The following SH3BP5 variants were observed in gnomAD, a reference collection of about 807,000 sequenced individuals.
The protein encoded by SH3BP5 is SH3 domain binding protein 5.
Under a neutral mutation model 43.3 loss-of-function variants are expected in SH3BP5, and 22 were observed. The observed-to-expected ratio is 0.51, with a 90% CI of 0.36 to 0.73. The LOEUF is 0.73. Ranked by LOEUF, SH3BP5 falls within the 30% of genes least tolerant of loss-of-function variation. The pLI is 0.00. For synonymous variants in SH3BP5, 255 were observed against 225.8 expected, an observed-to-expected ratio of 1.13 and a Z score of -1.16; for missense variants, 529 against 586.9, an observed-to-expected ratio of 0.90 and a Z score of 1.02.
chr3:15,266,773 G>A (rs982418907), intron 4 of SH3BP5, among the ~76,000 whole-genome samples: 18 of 152,242 alleles, frequency 1.2e-4, no homozygotes, highest in African/African-American at 4.1e-4. Flanking sequence ...CACTGCATGT[G>A]GCCTAACAGA....
upstream of SH3BP5, among the ~76,000 whole-genome samples, chr3:15,336,920 C>G (rs966878727): frequency 6.6e-6 from 1 of 152,150 alleles, no homozygotes; most frequent in Non-Finnish European, 1.5e-5. Flanking sequence ...ACAACTCCCT[C>G]ACGCTTCTCC....
chr3:15,326,611 C>T (rs1331928222), intron 2 of SH3BP5, among the ~76,000 whole-genome samples: 1 of 152,200 alleles, frequency 6.6e-6, no homozygotes, highest in Non-Finnish European at 1.5e-5. Flanking sequence ...TATGTAACCC[C>T]AAAATCAATA....
intron 2 of SH3BP5, among the ~76,000 whole-genome samples, chr3:15,313,361 A>G (rs942454968): frequency 1.3e-5 from 2 of 152,240 alleles, no homozygotes; most frequent in Admixed American, 6.5e-5. Flanking sequence ...GCAGCAGCAG[A>G]ATAACTGGAG....
chr3:15,256,705 C>G (rs958211489), intron 8 of SH3BP5, 148 bp downstream of exon 8: 6 of 957,792 alleles, frequency 6.3e-6, no homozygotes, highest in East Asian at 5.3e-5. Flanking sequence ...TGGAAACAAC[C>G]TCAGTGATCA....
In SH3BP5 at chr3:15,332,459, G is replaced by A; in HGVS notation, c.-51C>T. The A allele has an allele frequency of 2.7e-6, 4 of 1,461,446 alleles. No individual in the cohort carries two copies. Among genetic ancestry groups the A allele is most frequent in the Non-Finnish European group, 3.6e-6 (4 of 1,113,024 alleles). 90.5% of individuals were successfully genotyped at this position (1,461,446 alleles called of 1,614,324 possible). The stretch of plus-strand genomic sequence containing the variant: ...CAGTGGGCTCCGGAGCGCCCCGGGG[G>A]TCGCGGCTGCCACAGGCTGGGCTGG... On this transcript the variant is annotated 5_prime_UTR_variant, in exon 1 of 9. Coordinates refer to ENST00000383791, the MANE Select transcript of SH3BP5 (RefSeq NM_004844.5).
chr3:15,274,479 C>T (rs1287170571), intron 3 of SH3BP5, among the ~76,000 whole-genome samples: 1 of 152,036 alleles, frequency 6.6e-6, no homozygotes, highest in Non-Finnish European at 1.5e-5. Flanking sequence ...GAAAGTGCTA[C>T]ACACTTTTTT....
chr3:15,334,064 G>A (rs1402222324), upstream of SH3BP5, among the ~76,000 whole-genome samples: 2 of 152,156 alleles, frequency 1.3e-5, no homozygotes, highest in African/African-American at 4.8e-5. Context: ...GAACTCTGGG[G>A]TCAGCCCTGA....
chr3:15,266,633 A>AG (rs1696653922), intron 4 of SH3BP5, among the ~76,000 whole-genome samples: 1 of 152,234 alleles, frequency 6.6e-6, no homozygotes, highest in African/African-American at 2.4e-5. Flanking sequence ...CAGGGACCCC[A>AG]GGCCCTGTGC....
Position 15,332,403 on chromosome 3 carries a change from G to T in SH3BP5, c.6C>A (p.Asp2Glu). Residue 2 changes from aspartate (D) to glutamate (E), a missense_variant, in exon 1 of 9, where the codon GAC (aspartate) becomes GAA (glutamate). Around this residue, in one of 3 missense-constraint regions of SH3BP5, gnomAD observed 75 missense variants for 61.8 expected, o/e 1.21. Coordinates refer to ENST00000383791, the MANE Select transcript of SH3BP5 (RefSeq NM_004844.5). M[D>E]AALKRSRSEE... ...CCGAGCGGCTCCGCTTCAGTGCCGC[G>T]TCCATGCAGGCAGCCGGCACGCGCG... 2.0e-6 allele frequency: 3 copies of T among 1,534,396 alleles called. No individual in the cohort carries two copies. Among genetic ancestry groups the T allele is most frequent in the Non-Finnish European group, 2.6e-6 (3 of 1,145,772 alleles).
At chr3:15,272,805 AGTGGCC>A (rs1696854407) in intron 3 of SH3BP5, among the ~76,000 whole-genome samples, 1 of 152,208 alleles carries the variant, frequency 6.6e-6, no homozygotes, top group Non-Finnish European at 1.5e-5. Flanking sequence ...CTTCAACCAA[AGTGGCC>A]CAGGGACCTG....
At chr3:15,283,714 T>A (rs1434923727) in intron 3 of SH3BP5, among the ~76,000 whole-genome samples, 2 of 152,186 alleles carry the variant, frequency 1.3e-5, no homozygotes, top group Non-Finnish European at 2.9e-5. Context: ...TGCCCACTTA[T>A]AATTACAAAG....
intron 3 of SH3BP5, among the ~76,000 whole-genome samples, chr3:15,295,540 G>C (rs1697544760): frequency 6.6e-6 from 1 of 152,162 alleles, no homozygotes; most frequent in African/African-American, 2.4e-5. Flanking sequence ...GTGCTCCTAA[G>C]TACAAGAAGG....
chr3:15,261,674 C>T (rs766305321), intron 5 of SH3BP5, among the ~76,000 whole-genome samples: 50 of 149,478 alleles, frequency 3.3e-4, no homozygotes, highest in Non-Finnish European at 3.8e-4. Context: ...TAAAAATATA[C>T]AGGGCTGTAG....
At position 15,254,825 on chromosome 3, in the gene SH3BP5, C is replaced by A. The variant is rs1243669165; in HGVS notation, c.*1261G>T. On this transcript the variant is annotated 3_prime_UTR_variant, in exon 9 of 9. Coordinates refer to ENST00000383791, the MANE Select transcript of SH3BP5 (RefSeq NM_004844.5). ...GAAGATTTAGGCAATACTGGGAGTT[C>A]TTATTTGAAGTCACAGAAAGGAGAA... The A allele has an allele frequency of 6.6e-6, 1 of 152,132 alleles. No homozygotes were observed. The highest frequency in any genetic ancestry group is 2.4e-5 in the African/African-American group (1 of 41,422). The allele number at this position is 152,132 out of a possible 1,614,324, so 9.4% of individuals were successfully genotyped here.
intron 3 of SH3BP5, among the ~76,000 whole-genome samples, chr3:15,272,696 C>CAT (rs201825439): frequency 0.018 from 2,447 of 136,092 alleles, 231 homozygotes; most frequent in African/African-American, 0.032. Flanking sequence ...AGGATAAAGA[C>CAT]ATTACAAAAC....
At chr3:15,304,299 C>T (rs1162113914) in intron 2 of SH3BP5, 68 bp from the exon 3 acceptor site, 1 of 1,611,038 alleles carries the variant, frequency 6.2e-7, no homozygotes, top group Admixed American at 1.7e-5. Context: ...ACCTACTGGA[C>T]CTAGACAGAA....
intron 2 of SH3BP5, among the ~76,000 whole-genome samples, chr3:15,310,303 A>G (rs2729686): frequency 1 from 152,358 of 152,358 alleles, 76,179 homozygotes; most frequent in Non-Finnish European, 1. Flanking sequence ...GGGAGAGCCT[A>G]ACAATAAAGC....
intron 2 of SH3BP5, among the ~76,000 whole-genome samples, chr3:15,319,514 G>T (rs1180638735): frequency 6.6e-6 from 1 of 152,174 alleles, no homozygotes; most frequent in Non-Finnish European, 1.5e-5. Flanking sequence ...ACTGCCCCAG[G>T]ATCAAGAAGA....
At chr3:15,330,653 C>A (rs777349421) in intron 1 of SH3BP5, 87 bp from the exon 2 acceptor site, 5 of 1,391,386 alleles carry the variant, frequency 3.6e-6, no homozygotes, top group Non-Finnish European at 4.7e-6. Context: ...GAAAAATTAC[C>A]CCAGCCCAAT....
Sources: allele counts gnomAD v4.1 joint callset (sites outside exome capture counted in the v4.1 genomes callset), GRCh38; gene constraint gnomAD v4.1.1; regional missense constraint gnomAD v4.1.1; transcripts MANE v1.5; gene names NCBI Gene and HGNC (gene_info 2026-07-23, HGNC 2026-07-21).